The following UNC13C variants were observed in gnomAD, a reference collection of about 807,000 sequenced individuals.
UNC13C encodes the protein protein unc-13 homolog C.
UNC13C carries 174 observed loss-of-function variants against 245.4 expected under a neutral mutation model. The observed-to-expected ratio is 0.71, with a 90% CI of 0.63 to 0.80. The LOEUF is 0.80. Among genes scored for constraint, UNC13C ranks in the 30% least tolerant of loss-of-function variants. The pLI, the probability that UNC13C is intolerant of heterozygous loss-of-function variation, is 0.00. For missense variants in UNC13C, 2,829 were observed against 2,602.9 expected, an observed-to-expected ratio of 1.09 and a Z score of -1.89; for synonymous variants, 992 against 895.1, an observed-to-expected ratio of 1.11 and a Z score of -1.93.
the UNC13C span, chr15:53,911,458 G>A: frequency 6.6e-6 from 1 of 152,190 alleles, no homozygotes; most frequent in Non-Finnish European, 1.5e-5. Context: ...CCTCACAGTG[G>A]TGGCACATAC....
chr15:54,085,509 C>T (rs1899188920), intron 2 of UNC13C, among the ~76,000 whole-genome samples: 1 of 152,202 alleles, frequency 6.6e-6, no homozygotes, highest in Non-Finnish European at 1.5e-5. Flanking sequence ...TCTGTATTGT[C>T]AGTGCCCAGA....
At chr15:54,540,280 A>G (rs975424959) in intron 26 of UNC13C, among the ~76,000 whole-genome samples, 4 of 152,122 alleles carry the variant, frequency 2.6e-5, no homozygotes, top group Non-Finnish European at 5.9e-5. Flanking sequence ...GTTTAGATAT[A>G]TGAAAATGAG....
chr15:54,619,419 A>C (rs12101359), intron 30 of UNC13C, among the ~76,000 whole-genome samples: 21,149 of 152,164 alleles, frequency 0.14, 1,520 homozygotes, highest in Middle Eastern at 0.23. Flanking sequence ...TTCCTGGCCA[A>C]GTCCATCTTT....
At chr15:54,457,962 C>T (rs1019274346) in intron 19 of UNC13C, among the ~76,000 whole-genome samples, 1 of 142,338 alleles carries the variant, frequency 7.0e-6, no homozygotes, top group Non-Finnish European at 1.5e-5. Flanking sequence ...TCTCCAGTTC[C>T]TTGAGGTGTG....
chr15:54,255,585 G>A (rs2036259154), intron 8 of UNC13C, among the ~76,000 whole-genome samples: 1 of 152,178 alleles, frequency 6.6e-6, no homozygotes, highest in Non-Finnish European at 1.5e-5. Flanking sequence ...CTCTGCTGAT[G>A]TGCTCCTCTC....
intron 10 of UNC13C, among the ~76,000 whole-genome samples, chr15:54,292,482 G>A (rs867437694): frequency 4.6e-5 from 7 of 151,974 alleles, no homozygotes; most frequent in African/African-American, 7.2e-5. Flanking sequence ...GCTACAATTC[G>A]TATATAGGCC....
At chr15:54,619,679 C>T (rs758701650) in intron 30 of UNC13C, among the ~76,000 whole-genome samples, 1 of 152,144 alleles carries the variant, frequency 6.6e-6, no homozygotes, top group Admixed American at 6.6e-5. Flanking sequence ...TTGAAATGGT[C>T]AGAGGACACT....
intron 32 of UNC13C, among the ~76,000 whole-genome samples, chr15:54,626,358 T>C (rs1566947268): frequency 6.6e-6 from 1 of 152,134 alleles, no homozygotes; most frequent in Non-Finnish European, 1.5e-5. Flanking sequence ...TGATGGGCTG[T>C]GCAGTGTATT....
intron 13 of UNC13C, among the ~76,000 whole-genome samples, chr15:54,301,709 T>A (rs553163455): frequency 6.6e-6 from 1 of 152,308 alleles, no homozygotes; most frequent in South Asian, 2.1e-4. Context: ...TTGGGTTGGT[T>A]CCAAGTCTTT....
At chr15:53,874,298 A>G in the UNC13C span, among the ~76,000 whole-genome samples, 2 of 152,242 alleles carry the variant, frequency 1.3e-5, no homozygotes, top group South Asian at 2.1e-4. Context: ...AATCCCCCTA[A>G]CAACCCAATG....
intron 28 of UNC13C, among the ~76,000 whole-genome samples, chr15:54,555,028 C>A (rs1451867065): frequency 1.3e-5 from 2 of 151,952 alleles, no homozygotes; most frequent in African/African-American, 4.8e-5. Context: ...TTAAAATAGA[C>A]TTTATCAGTA....
rs376215848 is a variant in UNC13C, at chr15:54,013,953, T to G, written c.1050T>G (p.Asp350Glu). The G allele has an allele frequency of 5.0e-6, 8 of 1,613,278 alleles. No individual in the cohort carries two copies. The highest frequency in any genetic ancestry group is 1.3e-5 in the African/African-American group (1 of 74,866). ...QILIDKMGFSDAPNAIKIEFA... is the reference protein window; with the variant it reads ...QILIDKMGFSEAPNAIKIEFA... ...TAATAGATAAAATGGGTTTTTCAGATGCACCAAATGCTATTAAAATTGAAT... is the reference window on the plus strand; with the variant it reads ...TAATAGATAAAATGGGTTTTTCAGAGGCACCAAATGCTATTAAAATTGAAT... Residue 350 changes from aspartate to glutamate, a missense_variant, in exon 2 of 33, where the codon GAT becomes GAG. Physicochemically the swap from Asp to Glu is conservative, Grantham distance 45. Transcript: ENST00000260323.
chr15:54,349,092 T>G (rs2140837432), intron 17 of UNC13C, among the ~76,000 whole-genome samples: 2 of 148,566 alleles, frequency 1.3e-5, no homozygotes, highest in Admixed American at 1.3e-4. Flanking sequence ...TATATCAAAT[T>G]ATAATTTATA....
At chr15:54,478,928 A>T (rs1892934794) in intron 19 of UNC13C, among the ~76,000 whole-genome samples, 1 of 152,040 alleles carries the variant, frequency 6.6e-6, no homozygotes, top group Non-Finnish European at 1.5e-5. Context: ...GTCTCCCATT[A>T]TTAATGTGTG....
At chr15:54,143,821 C>G in intron 4 of UNC13C, 137 bp downstream of exon 4, 1 of 573,988 alleles carries the variant, frequency 1.7e-6, no homozygotes. Flanking sequence ...ATAAAGTTGA[C>G]ATTATAGTGT....
chr15:54,593,109 T>G (rs555974881), intron 30 of UNC13C, among the ~76,000 whole-genome samples: 24 of 152,324 alleles, frequency 1.6e-4, no homozygotes, highest in Non-Finnish European at 3.1e-4. Context: ...AATAATTGTT[T>G]TATTTGAGGA....
intron 1 of UNC13C, among the ~76,000 whole-genome samples, chr15:54,000,778 A>G (rs1304556542): frequency 6.6e-6 from 1 of 152,170 alleles, no homozygotes; most frequent in Non-Finnish European, 1.5e-5. Flanking sequence ...TTTTGTTTAG[A>G]CACTCGAGGT....
intron 24 of UNC13C, among the ~76,000 whole-genome samples, chr15:54,517,537 G>C (rs1218438270): frequency 6.6e-6 from 1 of 152,076 alleles, no homozygotes; most frequent in Non-Finnish European, 1.5e-5. Context: ...AGGATATTCA[G>C]AAGCCAGCTG....
chr15:54,377,229 G>C (rs2039625939), intron 17 of UNC13C, among the ~76,000 whole-genome samples: 1 of 152,184 alleles, frequency 6.6e-6, no homozygotes, highest in Non-Finnish European at 1.5e-5. Context: ...CAAGAGCAGA[G>C]ACAAGCATTG....
Sources: gnomAD v4.1 joint callset for allele counts (sites outside exome capture counted in the v4.1 genomes callset) on GRCh38, gnomAD v4.1.1 for gene constraint, MANE v1.5 for transcripts, NCBI Gene and HGNC (gene_info 2026-07-23, HGNC 2026-07-21) for gene names.